Variants in ITIH5 observed in about 807,000 individuals in gnomAD.
The protein encoded by ITIH5 is inter-alpha-trypsin inhibitor heavy chain 5, also known as inter-alpha-trypsin inhibitor heavy chain H5.
In ITIH5, 65 loss-of-function variants were observed where a neutral mutation model predicts 77.5. The ratio of observed to expected loss-of-function variants is 0.84; its 90% confidence interval spans 0.69 to 1.03. ITIH5 has a LOEUF of 1.03. Among genes scored for constraint, ITIH5 ranks in the 50% least tolerant of loss-of-function variants. The pLI is 0.00. For synonymous variants in ITIH5, 525 were observed against 494.3 expected (o/e 1.06, Z -0.82); for missense variants, 1,208 against 1,213.1 (o/e 1.00, Z 0.06).
intron 7 of ITIH5, among the ~76,000 whole-genome samples, chr10:7,615,007 G>A (rs1315277864): frequency 6.6e-6 from 1 of 152,188 alleles, no homozygotes; most frequent in Admixed American, 6.5e-5. Context: ...CAGCACTTTG[G>A]GAGGCCGAGA....
At chr10:7,588,818 T>C (rs1357849875) in intron 7 of ITIH5, among the ~76,000 whole-genome samples, 2 of 152,238 alleles carry the variant, frequency 1.3e-5, no homozygotes, top group African/African-American at 4.8e-5. Context: ...AGGTGATTAA[T>C]TCTAAATCTT....
In ITIH5 at chr10:7,662,564, G is replaced by A. The variant is rs201056510; in HGVS notation, c.90+4239C>T. Among the ~76,000 whole-genome samples the A allele has an allele frequency of 2.2e-4, 34 of 152,332 alleles. No homozygotes were observed. The East Asian group carries it at 6.4e-3, about 29-fold the overall frequency. ...GGCTGGCATTCCCAGCAGCTACGCT[G>A]ATGACATGATAAGCAAGATCGCCTT... On this transcript the variant is annotated intron_variant, in intron 1 of 13. Coordinates refer to ENST00000397146, the MANE Select transcript of ITIH5 (RefSeq NM_030569.7).
intron 11 of ITIH5, 47 bp downstream of exon 11, chr10:7,573,095 A>G (rs771919337): frequency 6.4e-7 from 1 of 1,573,292 alleles, no homozygotes; most frequent in South Asian, 1.1e-5. Flanking sequence ...ACACTTTTTA[A>G]ACATCTCTTA....
rs369875451 is a variant in ITIH5 at position 7,566,095 on chromosome 10, C to T, written c.2462G>A (p.Arg821Gln). 22 of 1,614,022 alleles carry T rather than the reference C, an allele frequency of 1.4e-5. No homozygotes were observed. Among genetic ancestry groups the T allele is most frequent in the East Asian group, 2.2e-5 (1 of 44,880 alleles). The change falls in exon 13 of 14, where the codon CGA (arginine) becomes CAA (glutamine). Residue 821 changes from arginine to glutamine, a missense_variant. Coordinates refer to ENST00000397146, the MANE Select transcript of ITIH5 (RefSeq NM_030569.7). ...HLYKKPAPFQ[R>Q]HHLGFYIANS... ...GGCAATGTAGAAACCCAGGTGGTGT[C>T]GCTGGAAGGGCGCCGGCTTTTTGTA...
At chr10:7,564,106 G>A (rs73615799) in intron 13 of ITIH5, among the ~76,000 whole-genome samples, 1,724 of 152,378 alleles carry the variant, frequency 0.011, 28 homozygotes, top group East Asian at 0.052. Flanking sequence ...CGCTCAGGCT[G>A]GGCGCTGGGC....
Position 7,628,890 on chromosome 10 carries a change from C to CATGTTGTAGCGTGTGTCT in ITIH5, c.652+8337_652+8338insAGACACACGCTACAACAT, listed in dbSNP as rs1833644909. 1.5e-5 allele frequency among the ~76,000 whole-genome samples: 2 copies of CATGTTGTAGCGTGTGTCT among 132,036 alleles called. 1 individual carries two copies. Among genetic ancestry groups the CATGTTGTAGCGTGTGTCT allele is most frequent in the Non-Finnish European group, 3.3e-5 (2 of 59,810 alleles). 86.6% of individuals were successfully genotyped at this position (132,036 alleles called of 152,430 possible). A position where few individuals can be genotyped will look rare whatever the true frequency, so the allele number is the denominator to read the frequency against. ...GTGTGTCCGTGTTGTAGCGTGTGTC[C>CATGTTGTAGCGTGTGTCT]GTGTTGTGGCATGCATCCATGTTAT... is the stretch of plus-strand genomic sequence containing the variant. On this transcript the variant is annotated intron_variant, in intron 5 of 13. Coordinates refer to ENST00000397146, the MANE Select transcript of ITIH5 (RefSeq NM_030569.7).
Position 7,637,400 on chromosome 10 carries a change from C to G in ITIH5, c.480G>C (p.Glu160Asp). The G allele has an allele frequency of 6.2e-7, 1 of 1,614,064 alleles. No individual in the cohort carries two copies. The highest frequency in any genetic ancestry group is 8.5e-7 in the Non-Finnish European group (1 of 1,179,928). Residue 160 changes from glutamate (E) to aspartate (D), a missense_variant, in exon 5 of 14, where the codon GAG (glutamate) becomes GAC (aspartate). By Grantham distance (45) the Glu-to-Asp change is conservative (BLOSUM62 2). Coordinates refer to ENST00000397146, the MANE Select transcript of ITIH5 (RefSeq NM_030569.7). ...KDKAAFFLSY[E>D]ELLQRRLGKY... The stretch of plus-strand genomic sequence containing the variant: ...TGCCCAGGCGCCTCTGCAGAAGCTC[C>G]TCATAACTCAGGAAAAAGGCGGCTT...
chr10:7,634,088 CA>C (rs752092484), intron 5 of ITIH5, among the ~76,000 whole-genome samples: 158 of 60,022 alleles, frequency 2.6e-3, no homozygotes, highest in African/African-American at 3.4e-3. Flanking sequence ...GACTCCGTCT[CA>C]AAAAAAAAAA....
intron 4 of ITIH5, among the ~76,000 whole-genome samples, chr10:7,638,594 A>G (rs980611533): frequency 3.9e-5 from 6 of 152,230 alleles, no homozygotes; most frequent in Non-Finnish European, 5.9e-5. Context: ...GGTCTCAGAA[A>G]GTTTACTTCT....
intron 2 of ITIH5, among the ~76,000 whole-genome samples, chr10:7,644,810 CATAT>C (rs1156604777): frequency 8.2e-6 from 1 of 121,282 alleles, no homozygotes; most frequent in Admixed American, 8.3e-5. Context: ...ATATATATCA[CATAT>C]ATATCATATA....
At position 7,666,787 on chromosome 10, in the gene ITIH5, C is replaced by G. The variant is rs961878591; in HGVS notation, c.90+16G>C. On this transcript the variant is annotated intron_variant, in intron 1 of 13. Coordinates refer to ENST00000397146, the MANE Select transcript of ITIH5 (RefSeq NM_030569.7). Reference sequence around the variant, plus strand: ...GCGGCCGCGCCCGGGACCCGGCTCCCCTCGGCTCCACTTACCTGCTCCGAA... The same window carrying G: ...GCGGCCGCGCCCGGGACCCGGCTCCGCTCGGCTCCACTTACCTGCTCCGAA... The G allele has an allele frequency of 6.3e-7, 1 of 1,597,540 alleles. No individual in the cohort carries two copies. Among genetic ancestry groups the G allele is most frequent in the African/African-American group, 1.4e-5 (1 of 73,786 alleles).
At chr10:7,619,744 G>A (rs1419465090) in intron 5 of ITIH5, 1 of 176,530 alleles carries the variant, frequency 5.7e-6, no homozygotes, top group African/African-American at 2.4e-5. Flanking sequence ...CACGAGAACA[G>A]CAAGGGGGAA....
intron 9 of ITIH5, among the ~76,000 whole-genome samples, chr10:7,577,854 C>G (rs1285681649): frequency 2.0e-5 from 3 of 152,218 alleles, no homozygotes; most frequent in African/African-American, 7.2e-5. Context: ...TGGTCACCTA[C>G]TAGCTGTCCC....
At chr10:7,590,873 T>A (rs1832780096) in intron 7 of ITIH5, among the ~76,000 whole-genome samples, 1 of 152,224 alleles carries the variant, frequency 6.6e-6, no homozygotes, top group Non-Finnish European at 1.5e-5. Context: ...GGCCCCTCGC[T>A]GCCCTCAGCA....
chr10:7,625,489 G>A (rs1833561059), intron 5 of ITIH5, among the ~76,000 whole-genome samples: 1 of 152,164 alleles, frequency 6.6e-6, no homozygotes, highest in Non-Finnish European at 1.5e-5. Flanking sequence ...AGATGGGCCG[G>A]GCATGTGGAT....
intron 5 of ITIH5, chr10:7,620,593 C>A (rs1194273957): frequency 6.6e-6 from 1 of 151,678 alleles, no homozygotes; most frequent in African/African-American, 2.4e-5. Context: ...TGTATGTACA[C>A]CCCAGTTATT....
rs1356540059 is a variant in ITIH5, at chr10:7,637,284, G to A, written c.596C>T (p.Ser199Phe). 4 of 1,612,408 alleles carry A rather than the reference G, an allele frequency of 2.5e-6. No individual in the cohort carries two copies. Among genetic ancestry groups the A allele is most frequent in the Non-Finnish European group, 3.4e-6 (4 of 1,180,022 alleles). ...VNILESAGIA[S>F]LEVLPLHNSR... ...GTTGTGAAGCGGCAGCACCTCCAGG[G>A]ATGCGATGCCCGCGCTCTCCAGGAT... The change falls in exon 5 of 14, where the codon TCC (serine) becomes TTC (phenylalanine). Residue 199 changes from serine to phenylalanine, a missense_variant. Physicochemically the swap from Ser to Phe is radical, Grantham distance 155 (BLOSUM62 -2). Transcript: ENST00000397146.
rs376947319 is a variant in ITIH5 at position 7,599,902 on chromosome 10, G to A, written c.940-13833C>T. Reference sequence around the variant, plus strand: ...TCCATCTTCCCAGACTCTTAGTTAAGGTCGCCAATGAGACTGGAGACGGAG... The same window carrying A: ...TCCATCTTCCCAGACTCTTAGTTAAAGTCGCCAATGAGACTGGAGACGGAG... On this transcript the variant is annotated intron_variant, in intron 7 of 13. Coordinates refer to ENST00000397146, the MANE Select transcript of ITIH5 (RefSeq NM_030569.7). 3.3e-3 allele frequency among the ~76,000 whole-genome samples: 499 copies of A among 152,268 alleles called. 4 individuals are homozygous for A. Among genetic ancestry groups the A allele is most frequent in the African/African-American group, 0.011 (475 of 41,544 alleles).
At chr10:7,575,572 C>T (rs1832394286) in intron 10 of ITIH5, among the ~76,000 whole-genome samples, 1 of 152,174 alleles carries the variant, frequency 6.6e-6, no homozygotes, top group Non-Finnish European at 1.5e-5. Context: ...CACTGTGTTT[C>T]CTTTCTCTTG....
Sources: allele counts gnomAD v4.1 joint callset (sites outside exome capture counted in the v4.1 genomes callset), GRCh38; gene constraint gnomAD v4.1.1; transcripts MANE v1.5; gene names NCBI Gene and HGNC (gene_info 2026-07-23, HGNC 2026-07-21).